Variants in SV2C observed in about 807,000 individuals in gnomAD.
SV2C encodes the protein solute carrier family 22 member B3.
A neutral mutation model predicts 79.7 loss-of-function variants in SV2C; 49 were observed. The observed-to-expected ratio is 0.61, with a 90% CI of 0.49 to 0.78. SV2C has a LOEUF of 0.78. SV2C is among the 30% of genes least tolerant of loss of function. The pLI is 0.00. For missense variants in SV2C, 833 were observed against 912.9 expected (o/e 0.91, Z 1.13); for synonymous variants, 334 against 333.2 (o/e 1.00, Z -0.03).
At chr5:76,285,585 C>A (rs1400510761) in intron 5 of SV2C, 196 bp from the exon 6 acceptor site, 5 of 606,506 alleles carry the variant, frequency 8.2e-6, no homozygotes, top group African/African-American at 1.8e-5. Context: ...GATACTATTT[C>A]TAGTTATAAC....
the SV2C span, among the ~76,000 whole-genome samples, chr5:75,993,230 G>A: frequency 0.015 from 2,237 of 152,058 alleles, 53 homozygotes; most frequent in African/African-American, 0.051. Flanking sequence ...ATAACCAAAA[G>A]TAAGAGAGTT....
Position 76,186,873 on chromosome 5 carries a change from G to A in SV2C, c.581-8046G>A, listed in dbSNP as rs542731291. Among the ~76,000 whole-genome samples the A allele has an allele frequency of 7.0e-4, 106 of 152,222 alleles. No homozygotes were observed. In the South Asian group the frequency reaches 1.0e-2, roughly 14 times the overall value. ...CATGAGAACTCACTCACTATCATGA[G>A]AACAGAATGAGGGAACCACCCCTAT... is the stretch of plus-strand genomic sequence containing the variant. On this transcript the variant is annotated intron_variant, in intron 2 of 12. Transcript: ENST00000502798.
At chr5:75,881,962 A>G in the SV2C span, among the ~76,000 whole-genome samples, 1,426 of 145,672 alleles carry the variant, frequency 9.8e-3, 19 homozygotes, top group African/African-American at 0.035. Context: ...ATTATTTTGA[A>G]ATACGTCCCA....
chr5:76,207,869 T>A (rs1744652462), intron 3 of SV2C, among the ~76,000 whole-genome samples: 1 of 152,208 alleles, frequency 6.6e-6, no homozygotes. Flanking sequence ...AAAATAAAAT[T>A]CAACTAGCTA....
chr5:75,872,840 C>T, the SV2C span, among the ~76,000 whole-genome samples: 4 of 152,086 alleles, frequency 2.6e-5, no homozygotes, highest in Middle Eastern at 0.01. Flanking sequence ...AGCACACCAA[C>T]ATGGCACATG....
chr5:75,970,605 T>C, the SV2C span, among the ~76,000 whole-genome samples: 5 of 151,978 alleles, frequency 3.3e-5, no homozygotes, highest in South Asian at 2.1e-4. Flanking sequence ...ACACATACAC[T>C]CTCCCAAGAC....
chr5:75,902,678 G>A, the SV2C span, among the ~76,000 whole-genome samples: 1 of 150,160 alleles, frequency 6.7e-6, no homozygotes. Context: ...GGTTTTTAGT[G>A]CAGACTTTTA....
At chr5:76,145,939 C>A (rs2068049043) in intron 2 of SV2C, among the ~76,000 whole-genome samples, 1 of 152,182 alleles carries the variant, frequency 6.6e-6, no homozygotes, top group South Asian at 2.1e-4. Flanking sequence ...TATGTCCTTG[C>A]CTTCTGTAAG....
chr5:75,929,633 T>C, the SV2C span, among the ~76,000 whole-genome samples: 1 of 152,156 alleles, frequency 6.6e-6, no homozygotes, highest in Non-Finnish European at 1.5e-5. Flanking sequence ...GCATATACAC[T>C]TATGTATATG....
intron 2 of SV2C, among the ~76,000 whole-genome samples, chr5:76,145,588 A>G (rs1403271874): frequency 6.6e-6 from 1 of 152,226 alleles, no homozygotes; most frequent in Non-Finnish European, 1.5e-5. Flanking sequence ...CTGACGCCAC[A>G]TGATGCAAAG....
chr5:76,064,741 G>A, the SV2C span, among the ~76,000 whole-genome samples: 2 of 152,054 alleles, frequency 1.3e-5, no homozygotes, highest in Non-Finnish European at 2.9e-5. Context: ...ATGGTCAGAA[G>A]GTTAAGGTCA....
intron 12 of SV2C, among the ~76,000 whole-genome samples, chr5:76,308,270 G>A (rs1031812483): frequency 2.6e-5 from 4 of 152,182 alleles, no homozygotes; most frequent in African/African-American, 9.7e-5. Context: ...ACACCCAAGA[G>A]TGGGCATTCT....
the SV2C span, among the ~76,000 whole-genome samples, chr5:76,042,259 A>T: frequency 2.0e-5 from 3 of 152,202 alleles, no homozygotes; most frequent in African/African-American, 7.2e-5. Context: ...GCTTTCAACT[A>T]AACTTGAGTT....
intron 2 of SV2C, among the ~76,000 whole-genome samples, chr5:76,158,397 C>T (rs1309496283): frequency 1.3e-5 from 2 of 150,642 alleles, no homozygotes; most frequent in Non-Finnish European, 3.0e-5. Context: ...GCTGGAGAGG[C>T]TATGTTAATA....
chr5:75,851,604 A>G, the SV2C span, among the ~76,000 whole-genome samples: 1 of 152,154 alleles, frequency 6.6e-6, no homozygotes, highest in South Asian at 2.1e-4. Context: ...TTCATAAGTG[A>G]GCAGTATGCT....
At chr5:75,967,455 A>G in the SV2C span, among the ~76,000 whole-genome samples, 1 of 152,150 alleles carries the variant, frequency 6.6e-6, no homozygotes, top group Non-Finnish European at 1.5e-5. Flanking sequence ...CACCTGGAAA[A>G]TCGGGTCACT....
At chr5:76,092,657 G>A (rs1490108083) in intron 1 of SV2C, among the ~76,000 whole-genome samples, 3 of 152,022 alleles carry the variant, frequency 2.0e-5, no homozygotes, top group Non-Finnish European at 2.9e-5. Flanking sequence ...TTGCTTTTAG[G>A]CACATTTTTC....
At chr5:76,221,292 A>T (rs1272100551) in intron 4 of SV2C, among the ~76,000 whole-genome samples, 1 of 152,240 alleles carries the variant, frequency 6.6e-6, no homozygotes, top group African/African-American at 2.4e-5. Flanking sequence ...GATGGCTTAC[A>T]TGGCCTTTCA....
intron 12 of SV2C, among the ~76,000 whole-genome samples, chr5:76,320,055 T>TA (rs1291697053): frequency 6.6e-6 from 1 of 151,912 alleles, no homozygotes; most frequent in African/African-American, 2.4e-5. Context: ...CTCATACCTG[T>TA]AATCCCAGCA....
Sources: allele counts gnomAD v4.1 joint callset (sites outside exome capture counted in the v4.1 genomes callset), GRCh38; gene constraint gnomAD v4.1.1; transcripts MANE v1.5; gene names NCBI Gene and HGNC (gene_info 2026-07-23, HGNC 2026-07-21).